Variants in CENPS observed in about 807,000 individuals in gnomAD.
The protein encoded by CENPS is FANCM associated histone fold protein 1.
CENPS carries 16 observed loss-of-function variants against 17.9 expected under a neutral mutation model. That is an observed-to-expected ratio of 0.90 (90% CI 0.61 to 1.36). The LOEUF (loss-of-function observed/expected upper bound fraction) is 1.36. CENPS is among the 40% of genes most tolerant of loss of function. The pLI, the probability that CENPS is intolerant of heterozygous loss-of-function variation, is 0.00. For missense variants in CENPS, 160 were observed against 158.6 expected (o/e 1.01, Z -0.05); for synonymous variants, 49 against 55.8 (o/e 0.88, Z 0.54).
chr1:10,442,560 T>C lies in CENPS; in HGVS notation c.*155T>C. 1 of 1,228,380 alleles carries C rather than the reference T, an allele frequency of 8.1e-7. No homozygotes were observed. Among genetic ancestry groups the C allele is most frequent in the African/African-American group, 1.6e-5 (1 of 63,748 alleles). 76.1% of individuals were successfully genotyped at this position (1,228,380 alleles called of 1,614,324 possible). On this transcript the variant is annotated 3_prime_UTR_variant, in exon 5 of 5. Coordinates refer to ENST00000309048, the MANE Select transcript of CENPS (RefSeq NM_199294.3). ...TGCTTTTTGTGCTGAATTCTCCACATTGTTAACTGCCAAAGCTAGTTTTAG... is the reference window on the plus strand; with the variant it reads ...TGCTTTTTGTGCTGAATTCTCCACACTGTTAACTGCCAAAGCTAGTTTTAG...
In CENPS at chr1:10,434,653, T is replaced by G. The variant is rs550954501; in HGVS notation, c.176-4T>G. 1.6e-4 allele frequency: 250 copies of G among 1,604,256 alleles called. 3 individuals carry two copies. In the South Asian group the frequency reaches 2.7e-3, roughly 18 times the overall value. Reference sequence around the variant, plus strand: ...AAAGTGTGTATCTTTTTTTTCTCTTTCAGAAAATTTTGCCAAAGACCTTGA... The same window carrying G: ...AAAGTGTGTATCTTTTTTTTCTCTTGCAGAAAATTTTGCCAAAGACCTTGA... On this transcript the variant is annotated splice_polypyrimidine_tract_variant and splice_region_variant and intron_variant, in intron 2 of 4. Transcript: ENST00000309048.
At chr1:10,439,328 G>A (rs1259136224) in intron 3 of CENPS, among the ~76,000 whole-genome samples, 2 of 152,152 alleles carry the variant, frequency 1.3e-5, no homozygotes, top group African/African-American at 2.4e-5. Flanking sequence ...GAAGAAGGGT[G>A]TAATCAGAGT....
intron 3 of CENPS, among the ~76,000 whole-genome samples, chr1:10,439,751 A>AC (rs1640329548): frequency 6.6e-6 from 1 of 151,924 alleles, no homozygotes; most frequent in Admixed American, 6.6e-5. Context: ...AAAAAAAAAA[A>AC]GAAGAAAGAA....
At chr1:10,431,089 C>T (rs1369305297) in intron 1 of CENPS, 30 of 1,391,340 alleles carry the variant, frequency 2.2e-5, no homozygotes, top group Middle Eastern at 2.7e-4. Flanking sequence ...ATCGTATCGA[C>T]TCGGCCCAGA....
In CENPS at chr1:10,442,510, A is replaced by C. The variant is rs1463002433; in HGVS notation, c.*105A>C. 8.1e-6 allele frequency: 11 copies of C among 1,359,710 alleles called. No individual in the cohort carries two copies. The highest frequency in any genetic ancestry group is 1.0e-5 in the Non-Finnish European group (11 of 1,054,034). 84.2% of individuals were successfully genotyped at this position (1,359,710 alleles called of 1,614,324 possible). A position where few individuals can be genotyped will look rare whatever the true frequency, so the allele number is the denominator to read the frequency against. On this transcript the variant is annotated 3_prime_UTR_variant, in exon 5 of 5. Transcript: ENST00000309048. ...AAGGGTTAAATAGAGATTTAAAAAA[A>C]TAAAATAAAAAGGCTGGGCTAGGGT...
rs1269005995 is a variant in CENPS, at chr1:10,433,696, A to C, written c.52-146A>C. ...CTCCAGTGGGTCTCATTAACTTATT[A>C]GTACACTTGAAAAGCCACTCAGCCA... On this transcript the variant is annotated intron_variant, in intron 1 of 4. Coordinates refer to ENST00000309048, the MANE Select transcript of CENPS (RefSeq NM_199294.3). 4 of 1,434,208 alleles carry C rather than the reference A, an allele frequency of 2.8e-6. No homozygotes were observed. In the Admixed American group the frequency reaches 9.1e-5, roughly 33 times the overall value. The allele number at this position is 1,434,208 out of a possible 1,614,324, so 88.8% of individuals were successfully genotyped here. A position where few individuals can be genotyped will look rare whatever the true frequency, so the allele number is the denominator to read the frequency against.
intron 3 of CENPS, among the ~76,000 whole-genome samples, chr1:10,436,386 A>G (rs1242297040): frequency 6.6e-6 from 1 of 151,582 alleles, no homozygotes; most frequent in African/African-American, 2.4e-5. Flanking sequence ...TCCACAAGGA[A>G]GGGCGACATC....
At chr1:10,436,071 G>C (rs1640144743) in intron 3 of CENPS, among the ~76,000 whole-genome samples, 1 of 151,228 alleles carries the variant, frequency 6.6e-6, no homozygotes, top group African/African-American at 2.4e-5. Flanking sequence ...TCTGCCTCCT[G>C]GGTTCAAGTG....
intron 2 of CENPS, 67 bp from the exon 3 acceptor site, chr1:10,434,590 C>T (rs1203294909): frequency 1.8e-5 from 28 of 1,599,834 alleles, no homozygotes; most frequent in Non-Finnish European, 2.1e-5. Context: ...ATCAAGGCTT[C>T]ACTTTTTCTG....
chr1:10,434,622 G>T, intron 2 of CENPS, 35 bp from the exon 3 acceptor site: 1 of 1,602,474 alleles, frequency 6.2e-7, no homozygotes, highest in Non-Finnish European at 8.5e-7. Context: ...AGATGGGAGG[G>T]TGCCTAAAGT....
At chr1:10,438,311 A>G (rs1279055520) in intron 3 of CENPS, among the ~76,000 whole-genome samples, 2 of 151,642 alleles carry the variant, frequency 1.3e-5, no homozygotes, top group Non-Finnish European at 2.9e-5. Context: ...TGCCCGGGTA[A>G]TTTTTGTCGT....
Position 10,440,405 on chromosome 1 carries a change from A to G in CENPS, c.268A>G (p.Asn90Asp). ...EDVKLLARRS[N>D]SLLKYITDKS... ...TGTGAAGCTCTTAGCCAGGAGGAGT[A>G]ATTCACTGGTGAGAGATGAATTTCT... is the stretch of plus-strand genomic sequence containing the variant. Residue 90 changes from asparagine (N) to aspartate (D), a missense_variant, in exon 4 of 5, where the codon AAT becomes GAT. Physicochemically the swap from Asn to Asp is conservative, Grantham distance 23. Transcript: ENST00000309048. 1 of 1,614,024 alleles carries G rather than the reference A, an allele frequency of 6.2e-7. No homozygotes were observed. Among genetic ancestry groups the G allele is most frequent in the Non-Finnish European group, 8.5e-7 (1 of 1,179,972 alleles).
Position 10,434,666 on chromosome 1 carries a change from C to T in CENPS, c.185C>T (p.Ala62Val). Reference sequence around the variant, plus strand: ...TTTTTTTCTCTTTCAGAAAATTTTGCCAAAGACCTTGAAATGTTTGCAAGG... The same window carrying T: ...TTTTTTTCTCTTTCAGAAAATTTTGTCAAAGACCTTGAAATGTTTGCAAGG... ...ELTFRQCENF[A>V]KDLEMFARHA... is the part of the protein sequence containing the mutation. The change falls in exon 3 of 5, where the codon GCC becomes GTC. Residue 62 changes from alanine to valine, a missense_variant. By Grantham distance (64) the Ala-to-Val change is moderately conservative (BLOSUM62 0). Coordinates refer to ENST00000309048, the MANE Select transcript of CENPS (RefSeq NM_199294.3). 1 of 1,606,286 alleles carries T rather than the reference C, an allele frequency of 6.2e-7. No individual in the cohort carries two copies. Among genetic ancestry groups the T allele is most frequent in the South Asian group, 1.1e-5 (1 of 89,602 alleles).
At chr1:10,437,791 GTC>G (rs1454155169) in intron 3 of CENPS, among the ~76,000 whole-genome samples, 8 of 118,848 alleles carry the variant, frequency 6.7e-5, no homozygotes, top group Non-Finnish European at 1.2e-4. Flanking sequence ...TTGAGACAGA[GTC>G]TCTCTGTCGC....
At chr1:10,430,758 A>C in intron 1 of CENPS, 190 bp downstream of exon 1, 5 of 1,397,444 alleles carry the variant, frequency 3.6e-6, no homozygotes, top group Non-Finnish European at 4.6e-6. Flanking sequence ...ACGCGGCTGG[A>C]CCCTGGCCTG....
chr1:10,439,059 T>C (rs1313221680), intron 3 of CENPS, among the ~76,000 whole-genome samples: 1 of 152,176 alleles, frequency 6.6e-6, no homozygotes, highest in Non-Finnish European at 1.5e-5. Flanking sequence ...TTGAAGTGGG[T>C]ATTAATGTCA....
rs1570012685 is a variant in CENPS, at chr1:10,430,670, G to GC, written c.51+107dup. On this transcript the variant is annotated intron_variant, in intron 1 of 4. Transcript: ENST00000309048. The stretch of plus-strand genomic sequence containing the variant: ...CCCGGCGGCTTCTCATCGGCACCCC[G>GC]CCCCCGGGCGCCCCCCGCGGCTGCG... 5.6e-6 allele frequency: 8 copies of GC among 1,440,664 alleles called. No homozygotes were observed. In the East Asian group the frequency reaches 1.1e-4, roughly 21 times the overall value. 89.2% of individuals were successfully genotyped at this position (1,440,664 alleles called of 1,614,324 possible).
chr1:10,431,841 G>GAGACTCCGCT (rs1280625633), intron 1 of CENPS, among the ~76,000 whole-genome samples: 1 of 110,070 alleles, frequency 9.1e-6, no homozygotes, highest in Non-Finnish European at 1.7e-5. Context: ...GTGACAGAGC[G>GAGACTCCGCT]AGACTCCATC....
At chr1:10,431,207 G>T in intron 1 of CENPS, 8 of 1,515,198 alleles carry the variant, frequency 5.3e-6, no homozygotes, top group Non-Finnish European at 7.0e-6. Context: ...GGGCGTCAGA[G>T]GCTGAGAACG....
Sources: gnomAD v4.1 joint callset for allele counts (sites outside exome capture counted in the v4.1 genomes callset) on GRCh38, gnomAD v4.1.1 for gene constraint, MANE v1.5 for transcripts, NCBI Gene and HGNC (gene_info 2026-07-23, HGNC 2026-07-21) for gene names.